Variants in BCKDHB observed in about 807,000 individuals in gnomAD.
The protein encoded by BCKDHB is 2-oxoisovalerate dehydrogenase subunit beta, mitochondrial.
BCKDHB carries 41 observed loss-of-function variants against 48.5 expected under a neutral mutation model. That is an observed-to-expected ratio of 0.85 (90% confidence interval 0.66 to 1.10). The LOEUF (loss-of-function observed/expected upper bound fraction) is 1.10. Ranked by LOEUF, BCKDHB falls within the 50% of genes least tolerant of loss-of-function variation. BCKDHB has a pLI of 0.00. For missense variants in BCKDHB, 496 were observed against 494.2 expected, an observed-to-expected ratio of 1.00 and a Z score of -0.03; for synonymous variants, 201 against 174.8, an observed-to-expected ratio of 1.15 and a Z score of -1.18.
chr6:80,398,667 G>C, the BCKDHB span, among the ~76,000 whole-genome samples: 2 of 150,580 alleles, frequency 1.3e-5, no homozygotes, highest in African/African-American at 4.9e-5. Flanking sequence ...GTACAACAAA[G>C]AGCTGGTACT....
At chr6:80,194,808 A>G (rs1180827204) in intron 6 of BCKDHB, among the ~76,000 whole-genome samples, 1 of 152,118 alleles carries the variant, frequency 6.6e-6, no homozygotes, top group Non-Finnish European at 1.5e-5. Flanking sequence ...TTTATTTTTC[A>G]AGATTTGCCT....
chr6:80,425,851 T>C, the BCKDHB span, among the ~76,000 whole-genome samples: 3 of 152,350 alleles, frequency 2.0e-5, no homozygotes, highest in East Asian at 1.9e-4. Context: ...CTCTAAGTTG[T>C]TTTCAAAGCA....
rs904277226 is a variant in BCKDHB, at chr6:80,273,197, A to G, written c.1014A>G (p.Ala338=). 10 of 1,613,554 alleles carry G rather than the reference A, an allele frequency of 6.2e-6. No homozygotes were observed. Among genetic ancestry groups the G allele is most frequent in the Admixed American group, 1.7e-5 (1 of 59,950 alleles). The change falls in exon 9 of 10, where the codon GCA becomes GCG. Residue 338 remains alanine (A), a synonymous_variant. Coordinates refer to ENST00000320393, the MANE Select transcript of BCKDHB (RefSeq NM_183050.4). Reference sequence around the variant, plus strand: ...AGGCTCCCTTGACAGGCGGCTTTGCATCGGAAATCAGCTCTACAGTTCAGG... The same window carrying G: ...AGGCTCCCTTGACAGGCGGCTTTGCGTCGGAAATCAGCTCTACAGTTCAGG... ...SHEAPLTGGF[A]SEISSTVQEE...
chr6:80,107,509 G>A (rs62406023), intron 1 of BCKDHB, among the ~76,000 whole-genome samples: 49,143 of 101,440 alleles, frequency 0.48, 11,224 homozygotes, highest in Admixed American at 0.62. Flanking sequence ...GCATATATAT[G>A]TGCGCATATA....
intron 4 of BCKDHB, among the ~76,000 whole-genome samples, chr6:80,168,079 A>G (rs71565083): frequency 1.8e-4 from 28 of 152,138 alleles, no homozygotes; most frequent in Admixed American, 1.8e-3. Flanking sequence ...CAAGAGTTCA[A>G]CACCATCCTG....
chr6:80,263,021 A>G lies in BCKDHB; in HGVS notation c.952-10114A>G, dbSNP rs1582463260. ...GAAAATTACTCAGCTCTTTCCCTGA[A>G]CAAAAGGATTTAAACCTAGATAAAA... On this transcript the variant is annotated intron_variant, in intron 8 of 9. Transcript: ENST00000320393. Among the ~76,000 whole-genome samples the G allele has an allele frequency of 2.0e-5, 3 of 152,236 alleles. No individual in the cohort carries two copies. In the South Asian group the frequency reaches 6.2e-4, roughly 31 times the overall value.
the BCKDHB span, among the ~76,000 whole-genome samples, chr6:80,446,643 A>G: frequency 3.7e-4 from 57 of 152,234 alleles, no homozygotes; most frequent in African/African-American, 1.3e-3. Context: ...AAGAAAGAGG[A>G]AAGAAACACG....
In BCKDHB at chr6:80,252,740, A is replaced by G. The variant is rs1247212881; in HGVS notation, c.952-20395A>G. ...AAATTTTTACAAAGTATAGTTATGT[A>G]TAAATCTGATACTATCTTACTACAA... On this transcript the variant is annotated intron_variant, in intron 8 of 9. Transcript: ENST00000320393. 3.3e-5 allele frequency among the ~76,000 whole-genome samples: 5 copies of G among 152,206 alleles called. No homozygotes were observed. The South Asian group carries it at 1.0e-3, about 31-fold the overall frequency.
At chr6:80,448,398 G>A in the BCKDHB span, among the ~76,000 whole-genome samples, 1 of 152,126 alleles carries the variant, frequency 6.6e-6, no homozygotes. Context: ...GCTATGTGAA[G>A]AATATATTTT....
intron 1 of BCKDHB, among the ~76,000 whole-genome samples, chr6:80,122,208 G>C (rs898211564): frequency 6.6e-6 from 1 of 152,206 alleles, no homozygotes; most frequent in African/African-American, 2.4e-5. Context: ...AAGTTGACTT[G>C]ATCGTGGTGG....
At position 80,177,582 on chromosome 6, in the gene BCKDHB, T is replaced by G. The variant is rs377681690; in HGVS notation, c.742+6192T>G. On this transcript the variant is annotated intron_variant, in intron 6 of 9. Transcript: ENST00000320393. Reference sequence around the variant, plus strand: ...ATAATATTTATCAGCAAAATTTTGCTGATAAAAAAGTGATTCCCTGGCATA... The same window carrying G: ...ATAATATTTATCAGCAAAATTTTGCGGATAAAAAAGTGATTCCCTGGCATA... Among the ~76,000 whole-genome samples, 5 of 152,252 alleles carry G rather than the reference T, an allele frequency of 3.3e-5. No individual in the cohort carries two copies. In the East Asian group the frequency reaches 7.7e-4, roughly 24 times the overall value.
intron 8 of BCKDHB, among the ~76,000 whole-genome samples, chr6:80,210,684 T>C (rs1404966065): frequency 2.0e-5 from 3 of 152,128 alleles, no homozygotes; most frequent in Non-Finnish European, 4.4e-5. Flanking sequence ...AGAGAGAGCC[T>C]TGGTGTCCTT....
the BCKDHB span, among the ~76,000 whole-genome samples, chr6:80,358,599 C>T: frequency 2.0e-5 from 3 of 152,140 alleles, no homozygotes; most frequent in Non-Finnish European, 2.9e-5. Context: ...CAAAACATTA[C>T]GCCAAGTGAG....
chr6:80,453,292 G>A, the BCKDHB span: 1 of 152,216 alleles, frequency 6.6e-6, no homozygotes, highest in African/African-American at 2.4e-5. Context: ...TAAAGCCCCT[G>A]CCTAGAAGTG....
chr6:80,206,627 A>T (rs1774676951), intron 8 of BCKDHB, among the ~76,000 whole-genome samples: 1 of 151,802 alleles, frequency 6.6e-6, no homozygotes, highest in Admixed American at 6.6e-5. Flanking sequence ...TATATATCTG[A>T]CAATAAGAAC....
the BCKDHB span, among the ~76,000 whole-genome samples, chr6:80,366,440 CTT>C: frequency 5.3e-5 from 8 of 152,240 alleles, no homozygotes; most frequent in African/African-American, 1.9e-4. Context: ...CAACATTTCT[CTT>C]TAACGGTGAG....
At chr6:80,242,816 T>A (rs1400983134) in intron 8 of BCKDHB, among the ~76,000 whole-genome samples, 1 of 151,872 alleles carries the variant, frequency 6.6e-6, no homozygotes, top group Admixed American at 6.6e-5. Flanking sequence ...AATAGTCCAC[T>A]GGTACTGGGG....
chr6:80,135,156 T>A (rs1770823491), intron 3 of BCKDHB, among the ~76,000 whole-genome samples: 1 of 152,166 alleles, frequency 6.6e-6, no homozygotes, highest in South Asian at 2.1e-4. Flanking sequence ...GAGAAAGTGA[T>A]CTTCCATTAT....
intron 8 of BCKDHB, among the ~76,000 whole-genome samples, chr6:80,243,040 A>G (rs1318005610): frequency 6.6e-6 from 1 of 152,138 alleles, no homozygotes; most frequent in East Asian, 1.9e-4. Context: ...TCAGGCATAG[A>G]GCATCAGGAC....
Sources: allele counts gnomAD v4.1 joint callset (sites outside exome capture counted in the v4.1 genomes callset), GRCh38; gene constraint gnomAD v4.1.1; transcripts MANE v1.5; gene names NCBI Gene and HGNC (gene_info 2026-07-23, HGNC 2026-07-21).